TUNAR: variants seen among roughly 807,000 people sequenced by gnomAD.
The protein encoded by TUNAR is protein TUNAR.
intron 2 of TUNAR, among the ~76,000 whole-genome samples, chr14:95,892,811 C>T (rs780028928): frequency 1.4e-4 from 22 of 152,170 alleles, no homozygotes; most frequent in South Asian, 6.2e-4. Context: ...AAACCATGCA[C>T]GACTTGAAAT....
At chr14:95,922,204 A>G (rs1889708482) in intron 2 of TUNAR, among the ~76,000 whole-genome samples, 1 of 152,242 alleles carries the variant, frequency 6.6e-6, no homozygotes, top group African/African-American at 2.4e-5. Flanking sequence ...ACCAGGGATT[A>G]TGAGAATTTC....
chr14:95,890,126 T>C (rs530574683), intron 2 of TUNAR, among the ~76,000 whole-genome samples: 2 of 152,284 alleles, frequency 1.3e-5, no homozygotes, highest in East Asian at 3.9e-4. Context: ...CTTCTCCTTT[T>C]TTAGCTTCCC....
chr14:95,913,211 T>C (rs1202003718), intron 2 of TUNAR, among the ~76,000 whole-genome samples: 1 of 151,142 alleles, frequency 6.6e-6, no homozygotes, highest in African/African-American at 2.4e-5. Flanking sequence ...GTTTGTTAAA[T>C]AGGTATACAT....
intron 2 of TUNAR, among the ~76,000 whole-genome samples, chr14:95,891,098 G>A (rs1031290942): frequency 3.3e-5 from 5 of 152,234 alleles, no homozygotes; most frequent in African/African-American, 9.6e-5. Flanking sequence ...CGTGGAGGTC[G>A]AACTAACATT....
intron 2 of TUNAR, among the ~76,000 whole-genome samples, chr14:95,881,467 A>G (rs979749944): frequency 9.2e-5 from 14 of 152,200 alleles, no homozygotes; most frequent in African/African-American, 3.4e-4. Context: ...AATAAAAGTT[A>G]TGTAACAGCT....
exon 3 of TUNAR, chr14:95,923,041 G>T: frequency 2.5e-6 from 1 of 398,718 alleles, no homozygotes; most frequent in Non-Finnish European, 4.4e-6. Context: ...TCACTGACCA[G>T]ACCCTGCGAG....
At chr14:95,896,942 G>A (rs939540088) in intron 2 of TUNAR, among the ~76,000 whole-genome samples, 1 of 152,098 alleles carries the variant, frequency 6.6e-6, no homozygotes, top group Non-Finnish European at 1.5e-5. Context: ...CTCTAAAATC[G>A]TACTTTACAG....
At chr14:95,908,624 A>AT (rs1313615964) in intron 2 of TUNAR, among the ~76,000 whole-genome samples, 4 of 152,176 alleles carry the variant, frequency 2.6e-5, no homozygotes, top group Non-Finnish European at 5.9e-5. Flanking sequence ...AAGTTAAGAG[A>AT]TTTTCCCTTG....
At chr14:95,887,417 C>T (rs1889096028) in intron 2 of TUNAR, among the ~76,000 whole-genome samples, 1 of 152,184 alleles carries the variant, frequency 6.6e-6, no homozygotes, top group Admixed American at 6.5e-5. Flanking sequence ...CTGTTTCTCA[C>T]CTTATCAAGT....
intron 2 of TUNAR, among the ~76,000 whole-genome samples, chr14:95,884,816 T>C (rs375497115): frequency 6.6e-6 from 1 of 151,932 alleles, no homozygotes; most frequent in Admixed American, 6.6e-5. Flanking sequence ...TGGTTGTATC[T>C]CCGACTGCCG....
chr14:95,878,777 C>G (rs1888928889), intron 2 of TUNAR, among the ~76,000 whole-genome samples: 1 of 152,092 alleles, frequency 6.6e-6, no homozygotes, highest in African/African-American at 2.4e-5. Context: ...TCCAAGCTAC[C>G]AGATTGGGGT....
intron 2 of TUNAR, among the ~76,000 whole-genome samples, chr14:95,920,833 A>T (rs1001483391): frequency 1.3e-5 from 2 of 152,182 alleles, no homozygotes; most frequent in African/African-American, 4.8e-5. Flanking sequence ...CGAATGAGAG[A>T]AACAGAACTG....
rs75792160 is a variant in TUNAR, at chr14:95,893,809, T to A, written c.12+16632T>A. On this transcript the variant is annotated intron_variant, in intron 2 of 2. Transcript: ENST00000678517. ...GAGCTGGAGCCTGGCACCAGGCATT[T>A]TCAAAGCTGCTCATGGACACTGCAT... Among the ~76,000 whole-genome samples the A allele has an allele frequency of 3.7e-3, 567 of 152,338 alleles. 3 individuals are homozygous for A. The highest frequency in any genetic ancestry group is 7.5e-3 in the Admixed American group (115 of 15,308).
At chr14:95,907,578 C>T (rs1889446442) in intron 2 of TUNAR, among the ~76,000 whole-genome samples, 1 of 152,134 alleles carries the variant, frequency 6.6e-6, no homozygotes, top group African/African-American at 2.4e-5. Flanking sequence ...ATGAGGTATG[C>T]AGACAAGTGG....
At chr14:95,891,916 C>T (rs1410467661) in intron 2 of TUNAR, among the ~76,000 whole-genome samples, 5 of 152,240 alleles carry the variant, frequency 3.3e-5, no homozygotes, top group Admixed American at 1.3e-4. Context: ...CTGCACCACT[C>T]CAGCCTCTGC....
intron 2 of TUNAR, among the ~76,000 whole-genome samples, chr14:95,882,168 T>C (rs1240312682): frequency 6.6e-6 from 1 of 152,232 alleles, no homozygotes; most frequent in African/African-American, 2.4e-5. Flanking sequence ...GGAATAACAT[T>C]GCGTGTCCTC....
chr14:95,885,471 C>T (rs1436274785), intron 2 of TUNAR, among the ~76,000 whole-genome samples: 14 of 152,048 alleles, frequency 9.2e-5, no homozygotes, highest in Non-Finnish European at 2.9e-5. Context: ...AGGGTGGAGG[C>T]GTTTGACTTG....
chr14:95,913,357 C>T (rs1889549733), intron 2 of TUNAR, among the ~76,000 whole-genome samples: 1 of 152,068 alleles, frequency 6.6e-6, no homozygotes, highest in African/African-American at 2.4e-5. Flanking sequence ...GTGATGTTCC[C>T]CTCCCTGTGT....
chr14:95,909,019 T>C (rs928446263), intron 2 of TUNAR, among the ~76,000 whole-genome samples: 14 of 152,286 alleles, frequency 9.2e-5, no homozygotes, highest in African/African-American at 3.4e-4. Flanking sequence ...GAAGCATCCT[T>C]TCCTCAGAGA....
Sources: allele counts gnomAD v4.1 joint callset (sites outside exome capture counted in the v4.1 genomes callset), GRCh38; gene constraint gnomAD v4.1.1; transcripts MANE v1.5; gene names NCBI Gene and HGNC (gene_info 2026-07-23, HGNC 2026-07-21).